Variants in SYNPR observed in about 807,000 individuals in gnomAD.
SYNPR encodes synaptoporin.
Under a neutral mutation model 32.9 loss-of-function variants are expected in SYNPR, and 23 were observed. The ratio of observed to expected loss-of-function variants is 0.70; its 90% CI spans 0.50 to 0.99. SYNPR has a LOEUF of 0.99. SYNPR is among the 50% of genes least tolerant of loss of function. SYNPR has a pLI of 0.00. For missense variants in SYNPR, 318 were observed against 349.3 expected (o/e 0.91, Z 0.71); for synonymous variants, 146 against 135.9 (o/e 1.07, Z -0.52).
chr3:63,529,843 A>G (rs1296508783), intron 3 of SYNPR, among the ~76,000 whole-genome samples: 3 of 152,178 alleles, frequency 2.0e-5, no homozygotes, highest in Non-Finnish European at 4.4e-5. Flanking sequence ...CTCCCAATTT[A>G]GGTACCTAAC....
At chr3:63,589,334 G>T (rs555234092) in intron 4 of SYNPR, among the ~76,000 whole-genome samples, 1 of 152,098 alleles carries the variant, frequency 6.6e-6, no homozygotes, top group African/African-American at 2.4e-5. Flanking sequence ...ATGCAATTAT[G>T]CATTCTTTTG....
intron 3 of SYNPR, among the ~76,000 whole-genome samples, chr3:63,499,933 G>A (rs1383785186): frequency 1.3e-5 from 2 of 151,758 alleles, no homozygotes; most frequent in African/African-American, 4.8e-5. Flanking sequence ...AAACTGTTTT[G>A]TAAAGTCAAA....
intron 4 of SYNPR, among the ~76,000 whole-genome samples, chr3:63,585,424 C>G (rs1703166015): frequency 6.8e-6 from 1 of 147,868 alleles, no homozygotes; most frequent in African/African-American, 2.5e-5. Context: ...GCATTTCAGT[C>G]ACATGTTTCC....
intron 2 of SYNPR, among the ~76,000 whole-genome samples, chr3:63,428,221 G>A (rs1699925712): frequency 6.6e-6 from 1 of 152,158 alleles, no homozygotes; most frequent in African/African-American, 2.4e-5. Flanking sequence ...TCTTTTCACA[G>A]ATTTTAAAAA....
At chr3:63,402,972 G>A (rs1367851424) in intron 2 of SYNPR, among the ~76,000 whole-genome samples, 2 of 152,294 alleles carry the variant, frequency 1.3e-5, no homozygotes, top group Middle Eastern at 6.8e-3. Context: ...CCTTTCTAGA[G>A]ATAACGATCT....
intron 3 of SYNPR, among the ~76,000 whole-genome samples, chr3:63,533,119 G>A (rs1702139248): frequency 6.6e-6 from 1 of 152,104 alleles, no homozygotes; most frequent in Non-Finnish European, 1.5e-5. Context: ...TAGACTGCAG[G>A]TTCTTTAAGG....
intron 1 of SYNPR, among the ~76,000 whole-genome samples, chr3:63,248,447 T>A (rs1333311710): frequency 6.6e-6 from 1 of 152,092 alleles, no homozygotes; most frequent in Non-Finnish European, 1.5e-5. Flanking sequence ...TATGCTAATT[T>A]GGGTAAGAGA....
chr3:63,547,302 A>G (rs889410281), intron 3 of SYNPR, among the ~76,000 whole-genome samples: 4 of 152,026 alleles, frequency 2.6e-5, no homozygotes, highest in African/African-American at 9.7e-5. Context: ...AACTTAAGCA[A>G]CCTGAGTCCA....
chr3:63,341,002 C>T (rs1459929263), intron 2 of SYNPR, among the ~76,000 whole-genome samples: 1 of 152,104 alleles, frequency 6.6e-6, no homozygotes, highest in Non-Finnish European at 1.5e-5. Context: ...ATAGTTTAAT[C>T]CCCCTAAAAA....
chr3:63,339,559 CAT>C (rs1480995389), intron 2 of SYNPR, among the ~76,000 whole-genome samples: 49 of 152,168 alleles, frequency 3.2e-4, no homozygotes, highest in South Asian at 1.7e-3. Flanking sequence ...AATTTGTGCA[CAT>C]GTGTGTGTGT....
At chr3:63,457,533 A>G (rs539104885) in intron 2 of SYNPR, among the ~76,000 whole-genome samples, 56 of 152,228 alleles carry the variant, frequency 3.7e-4, no homozygotes, top group African/African-American at 1.3e-3. Context: ...AGATCAAAAT[A>G]AGATTGAAGA....
chr3:63,583,682 A>T (rs1703132463), intron 4 of SYNPR, among the ~76,000 whole-genome samples: 2 of 152,104 alleles, frequency 1.3e-5, no homozygotes, highest in South Asian at 4.1e-4. Flanking sequence ...GTAGGCGGAG[A>T]TGAGTTTTTA....
intron 4 of SYNPR, among the ~76,000 whole-genome samples, chr3:63,591,825 G>A (rs1302250515): frequency 1.8e-5 from 2 of 111,100 alleles, no homozygotes; most frequent in Non-Finnish European, 1.8e-5. Flanking sequence ...GGGAGGGGGG[G>A]AGGGATAGCA....
chr3:63,511,141 GACCCT>G (rs1701691856), intron 3 of SYNPR, among the ~76,000 whole-genome samples: 1 of 59,188 alleles, frequency 1.7e-5, no homozygotes, highest in South Asian at 5.4e-4. Context: ...GGGAATCATG[GACCCT>G]GAGTACTGGG....
At chr3:63,341,137 G>A (rs1208846535) in intron 2 of SYNPR, among the ~76,000 whole-genome samples, 1 of 152,154 alleles carries the variant, frequency 6.6e-6, no homozygotes, top group Admixed American at 6.5e-5. Flanking sequence ...AAATCATACA[G>A]TTTGCAGCCT....
At chr3:63,306,527 A>T (rs2086912424) in intron 2 of SYNPR, among the ~76,000 whole-genome samples, 1 of 131,318 alleles carries the variant, frequency 7.6e-6, no homozygotes. Context: ...TATCAGATTT[A>T]CCAGTGATTA....
intron 3 of SYNPR, among the ~76,000 whole-genome samples, chr3:63,270,653 A>C (rs970355743): frequency 6.6e-6 from 1 of 152,170 alleles, no homozygotes; most frequent in Non-Finnish European, 1.5e-5. Flanking sequence ...CTTGGTTTTT[A>C]GTTGTATGAA....
chr3:63,485,580 A>G (rs1452158817), intron 3 of SYNPR, among the ~76,000 whole-genome samples: 8 of 152,120 alleles, frequency 5.3e-5, no homozygotes, highest in African/African-American at 1.9e-4. Context: ...ATATTTTCTC[A>G]CAGACCAATA....
chr3:63,326,734 A>G (rs1487351990), intron 2 of SYNPR, among the ~76,000 whole-genome samples: 1 of 152,144 alleles, frequency 6.6e-6, no homozygotes, highest in Non-Finnish European at 1.5e-5. Context: ...AGCAGCACCA[A>G]GAAAGGGAGT....
Sources: allele counts gnomAD v4.1 joint callset (sites outside exome capture counted in the v4.1 genomes callset), GRCh38; gene constraint gnomAD v4.1.1; transcripts MANE v1.5; gene names NCBI Gene and HGNC (gene_info 2026-07-23, HGNC 2026-07-21).